The following WASHC4 variants were observed in gnomAD, a reference collection of about 807,000 sequenced individuals.
WASHC4 encodes the protein WASH complex subunit 4.
In WASHC4, 86 loss-of-function variants were observed where a neutral mutation model predicts 166.6. The ratio of observed to expected loss-of-function variants is 0.52; its 90% CI spans 0.43 to 0.62. The LOEUF (loss-of-function observed/expected upper bound fraction) is 0.62, where lower values mean the gene tolerates loss of function less well. Ranked by LOEUF, WASHC4 falls within the 20% of genes least tolerant of loss-of-function variation. The pLI is 0.00. For synonymous variants in WASHC4, 446 were observed against 451.6 expected (o/e 0.99, Z 0.16); for missense variants, 1,262 against 1,382.4 (o/e 0.91, Z 1.38).
At chr12:105,166,475 A>C (rs1884811847) in intron 32 of WASHC4, among the ~76,000 whole-genome samples, 1 of 152,196 alleles carries the variant, frequency 6.6e-6, no homozygotes, top group Non-Finnish European at 1.5e-5. Flanking sequence ...TGTTCCTACC[A>C]GGAATGACAA....
chr12:105,125,499 C>T (rs1040666010), intron 10 of WASHC4, among the ~76,000 whole-genome samples: 9 of 152,010 alleles, frequency 5.9e-5, no homozygotes, highest in Non-Finnish European at 1.2e-4. Flanking sequence ...TTTGACTGCA[C>T]GAGGGTCAGT....
In WASHC4 at chr12:105,146,559, T is replaced by C. The variant is rs746804478; in HGVS notation, c.2409+33T>C. The C allele has an allele frequency of 3.6e-6, 4 of 1,101,652 alleles. No homozygotes were observed. The South Asian group carries it at 3.9e-5, about 11-fold the overall frequency. 68.2% of individuals were successfully genotyped at this position (1,101,652 alleles called of 1,614,324 possible). ...GGGTTTATAAATTTTTTTTTTTTAATGTAGGTGGAGATAGTTGGAAGGCTG... is the reference window on the plus strand; with the variant it reads ...GGGTTTATAAATTTTTTTTTTTTAACGTAGGTGGAGATAGTTGGAAGGCTG... On this transcript the variant is annotated intron_variant, in intron 23 of 32. Coordinates refer to ENST00000332180, the MANE Select transcript of WASHC4 (RefSeq NM_015275.3).
intron 2 of WASHC4, among the ~76,000 whole-genome samples, chr12:105,112,433 A>C (rs777399794): frequency 6.6e-6 from 1 of 152,116 alleles, no homozygotes; most frequent in Admixed American, 6.6e-5. Flanking sequence ...ATACATATGT[A>C]TATATGGGAG....
chr12:105,161,580 A>C (rs912112171), intron 29 of WASHC4, among the ~76,000 whole-genome samples: 3 of 152,226 alleles, frequency 2.0e-5, no homozygotes, highest in African/African-American at 7.2e-5. Context: ...GAGAAAACAA[A>C]GTGGATTAAA....
chr12:105,115,551 G>T, intron 5 of WASHC4, 110 bp from the exon 6 acceptor site: 1 of 772,784 alleles, frequency 1.3e-6, no homozygotes. Context: ...TCAATACTAT[G>T]CAGAGTAAAA....
At chr12:105,145,364 T>A (rs958897824) in intron 22 of WASHC4, among the ~76,000 whole-genome samples, 1 of 151,994 alleles carries the variant, frequency 6.6e-6, no homozygotes, top group Non-Finnish European at 1.5e-5. Flanking sequence ...TGGCATTGTC[T>A]CATGAATGTA....
At chr12:105,128,773 GT>G (rs56089634) in intron 13 of WASHC4, among the ~76,000 whole-genome samples, 97,082 of 147,846 alleles carry the variant, frequency 0.66, 31,783 homozygotes, top group African/African-American at 0.75. Flanking sequence ...ATTCCGTTTT[GT>G]TTTTTTTTTT....
rs976178987 is a variant in WASHC4, at chr12:105,126,475, C to T, written c.1038+113C>T. 9.3e-6 allele frequency: 8 copies of T among 862,378 alleles called. No homozygotes were observed. In the African/African-American group the frequency reaches 1.0e-4, roughly 11 times the overall value. The allele number at this position is 862,378 out of a possible 1,614,324, so 53.4% of individuals were successfully genotyped here. A position where few individuals can be genotyped will look rare whatever the true frequency, so the allele number is the denominator to read the frequency against. The stretch of plus-strand genomic sequence containing the variant: ...TTTACAAAAATAATTTAAAAGTATT[C>T]ACTTGTAAAATTCAAGTATTCCAGA... On this transcript the variant is annotated intron_variant, in intron 12 of 32. Transcript: ENST00000332180.
intron 13 of WASHC4, among the ~76,000 whole-genome samples, chr12:105,127,835 T>TA (rs1592864405): frequency 6.6e-6 from 1 of 152,230 alleles, no homozygotes; most frequent in African/African-American, 2.4e-5. Flanking sequence ...TTCTTTTTTT[T>TA]ACATCCTTAT....
At chr12:105,134,012 T>C (rs1882093910) in intron 14 of WASHC4, 116 bp downstream of exon 14, 1 of 941,344 alleles carries the variant, frequency 1.1e-6, no homozygotes, top group African/African-American at 1.6e-5. Flanking sequence ...AGCAAGTTGA[T>C]TTGGTTATGT....
Position 105,115,175 on chromosome 12 carries a change from TA to T in WASHC4, c.322-4del, listed in dbSNP as rs774200606. On this transcript the variant is annotated splice_region_variant and splice_polypyrimidine_tract_variant and intron_variant, in intron 4 of 32. Transcript: ENST00000332180. ...TTTAAAATTATTTTAATTTTTTTCT[TA>T]AAAACAGGCTGAAACTAAATTTTAC... 4 of 1,464,512 alleles carry T rather than the reference TA, an allele frequency of 2.7e-6. No homozygotes were observed. The highest frequency in any genetic ancestry group is 2.9e-6 in the Non-Finnish European group (3 of 1,045,372). The allele number at this position is 1,464,512 out of a possible 1,614,324, so 90.7% of individuals were successfully genotyped here.
Position 105,114,444 on chromosome 12 carries a change from T to C in WASHC4, c.321+17T>C, listed in dbSNP as rs751010214. 5 of 1,515,716 alleles carry C rather than the reference T, an allele frequency of 3.3e-6. No individual in the cohort carries two copies. The highest frequency in any genetic ancestry group is 3.6e-5 in the Admixed American group (2 of 56,320). 93.9% of individuals were successfully genotyped at this position (1,515,716 alleles called of 1,614,324 possible). A position where few individuals can be genotyped will look rare whatever the true frequency, so the allele number is the denominator to read the frequency against. On this transcript the variant is annotated intron_variant, in intron 4 of 32. Coordinates refer to ENST00000332180, the MANE Select transcript of WASHC4 (RefSeq NM_015275.3). ...AAATATGAGGTAATTATTTGAATTC[T>C]TGTCTTAAAACTTTAAAAACATCAT...
intron 16 of WASHC4, among the ~76,000 whole-genome samples, 175 bp downstream of exon 16, chr12:105,140,576 C>T (rs1234247936): frequency 6.6e-6 from 1 of 152,168 alleles, no homozygotes; most frequent in Non-Finnish European, 1.5e-5. Context: ...TTGGCATTAT[C>T]TTTACTGTGA....
intron 28 of WASHC4, among the ~76,000 whole-genome samples, chr12:105,157,598 C>G (rs1470734857): frequency 6.6e-6 from 1 of 152,174 alleles, no homozygotes; most frequent in Non-Finnish European, 1.5e-5. Flanking sequence ...AAGTACATAA[C>G]TAACCTTGAA....
chr12:105,149,671 G>C lies in WASHC4; in HGVS notation c.2571G>C (p.Met857Ile). The C allele has an allele frequency of 6.4e-7, 1 of 1,566,360 alleles. No homozygotes were observed. The highest frequency in any genetic ancestry group is 1.1e-5 in the South Asian group (1 of 88,372). Residue 857 changes from methionine (M) to isoleucine (I), a missense_variant, in exon 25 of 33, where the codon ATG becomes ATC. Physicochemically the swap from Met to Ile is conservative, Grantham distance 10. Transcript: ENST00000332180. Reference protein sequence around the residue: ...KKKFYIFSQFMYDEHIKSRLI... With the variant: ...KKKFYIFSQFIYDEHIKSRLI... Reference sequence around the variant, plus strand: ...AGTTCTATATATTTAGCCAATTTATGTATGATGAACACATCAAATCCAGAT... The same window carrying C: ...AGTTCTATATATTTAGCCAATTTATCTATGATGAACACATCAAATCCAGAT...
chr12:105,115,144 A>G (rs1411780747), intron 4 of WASHC4, 40 bp from the exon 5 acceptor site: 1 of 1,119,612 alleles, frequency 8.9e-7, no homozygotes, highest in East Asian at 2.5e-5. Flanking sequence ...TGGAAACAAA[A>G]CAACCTTTAA....
intron 1 of WASHC4, 87 bp downstream of exon 1, chr12:105,107,948 A>T (rs1430369862): frequency 1.0e-6 from 1 of 985,104 alleles, no homozygotes; most frequent in Non-Finnish European, 1.6e-6. Flanking sequence ...TGCGAGAGGG[A>T]CGGCTGCGCA....
intron 14 of WASHC4, among the ~76,000 whole-genome samples, chr12:105,136,003 T>G (rs1436018069): frequency 6.6e-6 from 1 of 152,142 alleles, no homozygotes; most frequent in Admixed American, 6.6e-5. Context: ...AAGGGATTTG[T>G]ATTTGTATTT....
rs562218087 is a variant in WASHC4 at position 105,165,840 on chromosome 12, A to G, written c.3455-1024A>G. 2.6e-5 allele frequency among the ~76,000 whole-genome samples: 4 copies of G among 152,328 alleles called. No individual in the cohort carries two copies. In the South Asian group the frequency reaches 6.2e-4, roughly 24 times the overall value. The stretch of plus-strand genomic sequence containing the variant: ...TTGAAAAAATTGTTTCAGCTTATTA[A>G]TCTGGAAGACACTCAATATTAAATG... On this transcript the variant is annotated intron_variant, in intron 32 of 32. Coordinates refer to ENST00000332180, the MANE Select transcript of WASHC4 (RefSeq NM_015275.3).
Sources: allele counts gnomAD v4.1 joint callset (sites outside exome capture counted in the v4.1 genomes callset), GRCh38; gene constraint gnomAD v4.1.1; transcripts MANE v1.5; gene names NCBI Gene and HGNC (gene_info 2026-07-23, HGNC 2026-07-21).